The following TAOK1 variants were observed in gnomAD, a reference collection of about 807,000 sequenced individuals.
The protein encoded by TAOK1 is serine/threonine-protein kinase TAO1.
TAOK1 carries 21 observed loss-of-function variants against 138.3 expected under a neutral mutation model. That is an observed-to-expected ratio of 0.15 (90% CI 0.11 to 0.22). The LOEUF (loss-of-function observed/expected upper bound fraction) is 0.22, where lower values mean the gene tolerates loss of function less well. Among genes scored for constraint, TAOK1 ranks in the 10% least tolerant of loss-of-function variants. TAOK1 has a pLI of 1.00. For synonymous variants in TAOK1, 361 were observed against 398.4 expected (o/e 0.91, Z 1.12); for missense variants, 651 against 1,227.7 (o/e 0.53, Z 7.02).
In TAOK1 at chr17:29,518,386, G is replaced by A. The variant is rs971632250; in HGVS notation, c.1908+730G>A. On this transcript the variant is annotated intron_variant, in intron 16 of 19. Coordinates refer to ENST00000261716, the MANE Select transcript of TAOK1 (RefSeq NM_020791.4). ...TGTAGTGCCAGCTACCTGGGAGGCT[G>A]AAGCATGAATATTGCCTGAGCCCAG... Among the ~76,000 whole-genome samples, 3 of 152,238 alleles carry A rather than the reference G, an allele frequency of 2.0e-5. No individual in the cohort carries two copies. The East Asian group carries it at 5.8e-4, about 29-fold the overall frequency.
chr17:29,394,150 G>GTGTTT (rs1904514249), intron 1 of TAOK1, among the ~76,000 whole-genome samples: 1 of 48,246 alleles, frequency 2.1e-5, no homozygotes, highest in Non-Finnish European at 3.6e-5. Flanking sequence ...TAATTTGCCA[G>GTGTTT]TTTTTTTTTT....
At chr17:29,411,382 C>T (rs1435206340) in intron 1 of TAOK1, among the ~76,000 whole-genome samples, 2 of 150,068 alleles carry the variant, frequency 1.3e-5, no homozygotes, top group Admixed American at 6.7e-5. Flanking sequence ...TGAGCCACCG[C>T]GCCCGGCCTT....
chr17:29,421,162 C>A (rs1272768330), intron 1 of TAOK1, among the ~76,000 whole-genome samples: 2 of 152,032 alleles, frequency 1.3e-5, no homozygotes, highest in African/African-American at 4.8e-5. Flanking sequence ...TCTCCTCGAC[C>A]TTGTGATCCG....
chr17:29,447,438 C>T (rs1253507246), intron 1 of TAOK1, among the ~76,000 whole-genome samples: 1 of 152,080 alleles, frequency 6.6e-6, no homozygotes, highest in Non-Finnish European at 1.5e-5. Context: ...TCAAGCAATT[C>T]TCCCACCTCA....
chr17:29,461,968 A>C (rs1361904620), intron 2 of TAOK1, among the ~76,000 whole-genome samples: 1 of 152,162 alleles, frequency 6.6e-6, no homozygotes, highest in Non-Finnish European at 1.5e-5. Context: ...CTGCAATTCT[A>C]TTTCTGGGTC....
At chr17:29,526,207 G>A (rs570254403) in intron 17 of TAOK1, among the ~76,000 whole-genome samples, 12 of 151,842 alleles carry the variant, frequency 7.9e-5, no homozygotes, top group Admixed American at 2.0e-4. Flanking sequence ...CCCGGAAGGC[G>A]GAGGAAGGTG....
intron 1 of TAOK1, among the ~76,000 whole-genome samples, chr17:29,409,308 CATATATATAT>C (rs1183993280): frequency 1.3e-5 from 1 of 79,492 alleles, no homozygotes; most frequent in Non-Finnish European, 2.2e-5. Context: ...TTTTTATGGA[CATATATATAT>C]ATATATATAT....
chr17:29,411,060 A>G (rs1905130026), intron 1 of TAOK1, among the ~76,000 whole-genome samples: 2 of 150,644 alleles, frequency 1.3e-5, no homozygotes, highest in Non-Finnish European at 3.0e-5. Flanking sequence ...TTACTTCTAC[A>G]AACCTACAGA....
At chr17:29,516,921 C>A (rs963413340) in intron 15 of TAOK1, among the ~76,000 whole-genome samples, 1 of 152,004 alleles carries the variant, frequency 6.6e-6, no homozygotes, top group African/African-American at 2.4e-5. Flanking sequence ...CTCCTGGGCT[C>A]AAGCAATTCT....
rs1191034436 is a variant in TAOK1, at chr17:29,548,083, T to A, written c.*5061T>A. 6.6e-6 allele frequency: 1 copy of A among 152,202 alleles called. No homozygotes were observed. Among genetic ancestry groups the A allele is most frequent in the African/African-American group, 2.4e-5 (1 of 41,464 alleles). 9.4% of individuals were successfully genotyped at this position (152,202 alleles called of 1,614,324 possible). On this transcript the variant is annotated 3_prime_UTR_variant, in exon 20 of 20. Coordinates refer to ENST00000261716, the MANE Select transcript of TAOK1 (RefSeq NM_020791.4). Reference sequence around the variant, plus strand: ...TTTATTGTGCATTTATATTTTCTGCTGAATTCCGGTAGTTCCCTTTAAAGT... The same window carrying A: ...TTTATTGTGCATTTATATTTTCTGCAGAATTCCGGTAGTTCCCTTTAAAGT...
intron 1 of TAOK1, among the ~76,000 whole-genome samples, chr17:29,422,245 C>T (rs1905472301): frequency 6.6e-6 from 1 of 151,034 alleles, no homozygotes. Context: ...GCTCTGTCGC[C>T]CAGGCTGGAG....
At chr17:29,456,261 T>A (rs938429503) in intron 2 of TAOK1, among the ~76,000 whole-genome samples, 5 of 149,874 alleles carry the variant, frequency 3.3e-5, no homozygotes, top group Non-Finnish European at 1.5e-5. Context: ...GGCATGAGAA[T>A]CGCTTGAACC....
At chr17:29,391,875 C>T (rs1326073810) in intron 1 of TAOK1, among the ~76,000 whole-genome samples, 3 of 152,130 alleles carry the variant, frequency 2.0e-5, no homozygotes, top group Non-Finnish European at 4.4e-5. Flanking sequence ...AATTTTGTAC[C>T]TCCTCATCCT....
chr17:29,418,752 T>TG (rs528364557), intron 1 of TAOK1, among the ~76,000 whole-genome samples: 192 of 152,344 alleles, frequency 1.3e-3, no homozygotes, highest in African/African-American at 4.5e-3. Flanking sequence ...ATTCAAGTTT[T>TG]GCTTTTTGGA....
chr17:29,465,596 C>G (rs931674890), intron 2 of TAOK1, among the ~76,000 whole-genome samples: 1 of 151,972 alleles, frequency 6.6e-6, no homozygotes, highest in Non-Finnish European at 1.5e-5. Flanking sequence ...TTAGTAGATA[C>G]AAGTTTTGTA....
chr17:29,507,843 T>C lies in TAOK1; in HGVS notation c.1339-53T>C, dbSNP rs544801650. 56 of 1,529,644 alleles carry C rather than the reference T, an allele frequency of 3.7e-5. No homozygotes were observed. In the South Asian group the frequency reaches 6.6e-4, roughly 18 times the overall value. 94.8% of individuals were successfully genotyped at this position (1,529,644 alleles called of 1,614,324 possible). A position where few individuals can be genotyped will look rare whatever the true frequency, so the allele number is the denominator to read the frequency against. On this transcript the variant is annotated intron_variant, in intron 13 of 19. Coordinates refer to ENST00000261716, the MANE Select transcript of TAOK1 (RefSeq NM_020791.4). ...AATATAGAATTGTCTAAAATGCTTT[T>C]CGAAGAAGAATGTTTTATTTTCTTC...
At chr17:29,454,397 C>G (rs2030322892) in intron 2 of TAOK1, among the ~76,000 whole-genome samples, 1 of 151,502 alleles carries the variant, frequency 6.6e-6, no homozygotes, top group South Asian at 2.1e-4. Flanking sequence ...TTCAGAGCTC[C>G]TTGAAATTTC....
At chr17:29,477,766 A>T (rs2030978387) in intron 5 of TAOK1, 60 bp downstream of exon 5, 1 of 1,083,900 alleles carries the variant, frequency 9.2e-7, no homozygotes, top group African/African-American at 1.7e-5. Context: ...TAATTTAGAC[A>T]TTATTTAAAT....
At chr17:29,505,042 A>G (rs1490982135) in intron 13 of TAOK1, among the ~76,000 whole-genome samples, 2 of 152,244 alleles carry the variant, frequency 1.3e-5, no homozygotes, top group East Asian at 3.8e-4. Flanking sequence ...TCAATTAAGG[A>G]CATTTTAAAT....
Sources: gnomAD v4.1 joint callset for allele counts (sites outside exome capture counted in the v4.1 genomes callset) on GRCh38, gnomAD v4.1.1 for gene constraint, MANE v1.5 for transcripts, NCBI Gene and HGNC (gene_info 2026-07-23, HGNC 2026-07-21) for gene names.